Variants in ZFPM2 observed in about 807,000 individuals in gnomAD.
The protein encoded by ZFPM2 is zinc finger protein, FOG family member 2, also known as zinc finger protein ZFPM2.
ZFPM2 carries 20 observed loss-of-function variants against 98.6 expected under a neutral mutation model. The ratio of observed to expected loss-of-function variants is 0.20; its 90% CI spans 0.14 to 0.29. The LOEUF is 0.29. Among genes scored for constraint, ZFPM2 ranks in the 10% least tolerant of loss-of-function variants. The pLI is 1.00. For synonymous variants in ZFPM2, 518 were observed against 502.7 expected, an observed-to-expected ratio of 1.03 and a Z score of -0.41; for missense variants, 1,310 against 1,388.6, an observed-to-expected ratio of 0.94 and a Z score of 0.90.
intron 2 of ZFPM2, among the ~76,000 whole-genome samples, chr8:105,428,340 A>G (rs542944697): frequency 1.1e-4 from 16 of 152,316 alleles, no homozygotes; most frequent in East Asian, 3.9e-4. Flanking sequence ...AAATATTTCT[A>G]TCTTTTGGTA....
intron 4 of ZFPM2, among the ~76,000 whole-genome samples, chr8:105,604,180 T>C (rs559099760): frequency 3.3e-5 from 5 of 152,142 alleles, no homozygotes; most frequent in African/African-American, 1.2e-4. Context: ...AATGTCATCA[T>C]CATTCATCCA....
At chr8:105,544,072 T>C (rs1814639116) in intron 3 of ZFPM2, among the ~76,000 whole-genome samples, 1 of 152,206 alleles carries the variant, frequency 6.6e-6, no homozygotes, top group South Asian at 2.1e-4. Context: ...CTATACACAC[T>C]ATTTCCATAT....
chr8:105,616,592 C>G (rs755360315), intron 4 of ZFPM2: 36 of 256,964 alleles, frequency 1.4e-4, no homozygotes, highest in Non-Finnish European at 2.2e-4. Flanking sequence ...TGTGCACTTA[C>G]TGTGTTTCAG....
At chr8:105,342,809 G>A (rs1264682035) in intron 1 of ZFPM2, among the ~76,000 whole-genome samples, 1 of 151,902 alleles carries the variant, frequency 6.6e-6, no homozygotes, top group Non-Finnish European at 1.5e-5. Flanking sequence ...ACTATTATTT[G>A]TTTTTCTGGA....
chr8:105,628,604 G>C (rs879306834), intron 4 of ZFPM2, among the ~76,000 whole-genome samples: 10 of 152,136 alleles, frequency 6.6e-5, no homozygotes, highest in Non-Finnish European at 1.3e-4. Context: ...GACTACGGCT[G>C]GATGTTGGAG....
intron 1 of ZFPM2, among the ~76,000 whole-genome samples, chr8:105,326,687 C>T (rs1812120521): frequency 1.3e-5 from 2 of 151,620 alleles, no homozygotes; most frequent in South Asian, 4.1e-4. Context: ...AGTAGACTTT[C>T]ATGTCATCTG....
At chr8:105,592,404 G>A (rs1219436390) in intron 4 of ZFPM2, among the ~76,000 whole-genome samples, 1 of 152,030 alleles carries the variant, frequency 6.6e-6, no homozygotes, top group Non-Finnish European at 1.5e-5. Context: ...AAACCCCAAA[G>A]TCTTTCACAT....
chr8:105,474,631 A>G (rs1043062303), intron 3 of ZFPM2, among the ~76,000 whole-genome samples: 2 of 152,204 alleles, frequency 1.3e-5, no homozygotes, highest in African/African-American at 2.4e-5. Flanking sequence ...GAAAATTTAT[A>G]TCATTTATCT....
At position 105,395,360 on chromosome 8, in the gene ZFPM2, A is replaced by G. The variant is rs76595311; in HGVS notation, c.41-23784A>G. Among the ~76,000 whole-genome samples, 755 of 152,268 alleles carry G rather than the reference A, an allele frequency of 5.0e-3. 10 individuals carry two copies. The highest frequency in any genetic ancestry group is 0.017 in the African/African-American group (696 of 41,548). ...GTCTCTAATTAGAAACCTTTTTCTT[A>G]TATTCTTGTAAATAAGAAGGGGGTC... On this transcript the variant is annotated intron_variant, in intron 1 of 7. Coordinates refer to ENST00000407775, the MANE Select transcript of ZFPM2 (RefSeq NM_012082.4).
chr8:105,599,059 A>G (rs1199666319), intron 4 of ZFPM2, among the ~76,000 whole-genome samples: 3 of 152,070 alleles, frequency 2.0e-5, no homozygotes, highest in Non-Finnish European at 4.4e-5. Flanking sequence ...ATTTCCAGAA[A>G]TCCAAACTGT....
At chr8:105,450,044 A>G (rs1018275467) in intron 3 of ZFPM2, among the ~76,000 whole-genome samples, 5 of 152,128 alleles carry the variant, frequency 3.3e-5, no homozygotes, top group African/African-American at 9.6e-5. Context: ...TAATGTAAAT[A>G]AATTTTCAAA....
At chr8:105,797,969 T>A (rs1813882830) in intron 6 of ZFPM2, 1 of 152,182 alleles carries the variant, frequency 6.6e-6, no homozygotes, top group Admixed American at 6.5e-5. Context: ...CATTTTGTTT[T>A]ATACCCAGCC....
intron 5 of ZFPM2, among the ~76,000 whole-genome samples, chr8:105,684,539 C>T (rs1027903242): frequency 4.6e-5 from 7 of 152,026 alleles, no homozygotes; most frequent in Non-Finnish European, 8.8e-5. Context: ...GCTGTTAGGT[C>T]ATCTCTAAGA....
chr8:105,476,777 A>T (rs954130295), intron 3 of ZFPM2, among the ~76,000 whole-genome samples: 3 of 151,356 alleles, frequency 2.0e-5, no homozygotes, highest in Non-Finnish European at 4.4e-5. Context: ...CTCTTTTAAA[A>T]TTAGCATCTC....
intron 1 of ZFPM2, among the ~76,000 whole-genome samples, chr8:105,365,512 A>C (rs1810489044): frequency 6.6e-6 from 1 of 152,184 alleles, no homozygotes; most frequent in African/African-American, 2.4e-5. Context: ...AGTTTGTAAA[A>C]GTGACCAACG....
intron 5 of ZFPM2, among the ~76,000 whole-genome samples, chr8:105,758,801 T>C (rs1277188463): frequency 6.6e-6 from 1 of 152,102 alleles, no homozygotes; most frequent in African/African-American, 2.4e-5. Context: ...ACAGAAATCA[T>C]GCCTCAGGTA....
intron 1 of ZFPM2, among the ~76,000 whole-genome samples, chr8:105,384,419 C>T (rs548924542): frequency 2.6e-5 from 4 of 151,638 alleles, no homozygotes; most frequent in Non-Finnish European, 5.9e-5. Flanking sequence ...TCAGTTAATC[C>T]CAGGAGGTGG....
At chr8:105,463,731 A>G (rs762754771) in intron 3 of ZFPM2, among the ~76,000 whole-genome samples, 6 of 152,030 alleles carry the variant, frequency 3.9e-5, no homozygotes, top group African/African-American at 9.7e-5. Flanking sequence ...GAAATTTTCT[A>G]TCTTCTAAGG....
At chr8:105,482,478 A>G (rs903084234) in intron 3 of ZFPM2, among the ~76,000 whole-genome samples, 6 of 152,166 alleles carry the variant, frequency 3.9e-5, no homozygotes, top group South Asian at 2.1e-4. Context: ...ACCATATAAT[A>G]TGGTATACAT....
Sources: gnomAD v4.1 joint callset for allele counts (sites outside exome capture counted in the v4.1 genomes callset) on GRCh38, gnomAD v4.1.1 for gene constraint, MANE v1.5 for transcripts, NCBI Gene and HGNC (gene_info 2026-07-23, HGNC 2026-07-21) for gene names.